The following ERC1 variants were observed in gnomAD, a reference collection of about 807,000 sequenced individuals.
ERC1 encodes ELKS/RAB6-interacting/CAST family member 1, also known as RAB6 interacting protein 2.
In ERC1, 56 loss-of-function variants were observed where a neutral mutation model predicts 132.0. That is an observed-to-expected ratio of 0.42 (90% CI 0.34 to 0.53). The LOEUF is 0.53. Ranked by LOEUF, ERC1 falls within the 20% of genes least tolerant of loss-of-function variation. The pLI is 0.03. For synonymous variants in ERC1, 478 were observed against 476.1 expected (o/e 1.00, Z -0.05); for missense variants, 1,202 against 1,349.9 (o/e 0.89, Z 1.72).
intron 8 of ERC1, among the ~76,000 whole-genome samples, chr12:1,156,432 T>G (rs562015388): frequency 3.3e-5 from 5 of 151,990 alleles, no homozygotes; most frequent in African/African-American, 1.2e-4. Context: ...GTAGAGAGGA[T>G]TTTACCATGT....
At chr12:1,357,123 G>C (rs2085618976) in intron 15 of ERC1, among the ~76,000 whole-genome samples, 1 of 152,122 alleles carries the variant, frequency 6.6e-6, no homozygotes, top group African/African-American at 2.4e-5. Flanking sequence ...ACGCATTGGA[G>C]CAGCTCCTAC....
At position 1,279,844 on chromosome 12, in the gene ERC1, C is replaced by T. The variant is rs145867186; in HGVS notation, c.2620-10008C>T. On this transcript the variant is annotated intron_variant, in intron 14 of 18. Coordinates refer to ENST00000360905, the MANE Select transcript of ERC1 (RefSeq NM_178040.4). ...CCAAGTAGCTGGGACTACAGGCGTG[C>T]GCCACCATGCCCAGCTAATTTTTGT... is the stretch of plus-strand genomic sequence containing the variant. Among the ~76,000 whole-genome samples the T allele has an allele frequency of 9.7e-4, 147 of 152,094 alleles. 1 individual carries two copies. The highest frequency in any genetic ancestry group is 3.2e-3 in the African/African-American group (132 of 41,514).
At chr12:1,299,302 G>A (rs187193095) in intron 15 of ERC1, among the ~76,000 whole-genome samples, 36 of 152,330 alleles carry the variant, frequency 2.4e-4, no homozygotes, top group African/African-American at 7.9e-4. Context: ...GTAAATTTCA[G>A]AAGACTGAGA....
intron 13 of ERC1, among the ~76,000 whole-genome samples, chr12:1,250,573 A>C (rs1188489680): frequency 6.6e-6 from 1 of 152,092 alleles, no homozygotes; most frequent in Admixed American, 6.5e-5. Flanking sequence ...TTTAGTTATA[A>C]TTTTTTTGGA....
intron 2 of ERC1, among the ~76,000 whole-genome samples, chr12:1,036,851 T>C (rs1191999915): frequency 2.0e-5 from 3 of 152,200 alleles, no homozygotes; most frequent in African/African-American, 7.2e-5. Context: ...AAGTTTAATC[T>C]TTTTTGTTGT....
chr12:1,277,557 A>T (rs962080357), intron 14 of ERC1, among the ~76,000 whole-genome samples: 1 of 152,178 alleles, frequency 6.6e-6, no homozygotes, highest in South Asian at 2.1e-4. Flanking sequence ...GCTTGCTCTT[A>T]TAAGTCTTAA....
At chr12:1,213,913 GA>G (rs935070075) in intron 12 of ERC1, among the ~76,000 whole-genome samples, 4 of 150,726 alleles carry the variant, frequency 2.7e-5, no homozygotes, top group Admixed American at 6.6e-5. Context: ...CAAAAAAAAA[GA>G]AAAAAAATAA....
rs142289733 is a variant in ERC1, at chr12:1,434,714, C to T, written c.3025-9848C>T. 9.2e-3 allele frequency among the ~76,000 whole-genome samples: 1,398 copies of T among 152,246 alleles called. 20 individuals are homozygous for T. Among genetic ancestry groups the T allele is most frequent in the African/African-American group, 0.033 (1,354 of 41,534 alleles). ...TTCCAGAGATGGGTGTTACATACAC[C>T]CAAAGGGTCGTCTGACTGGAGATCC... On this transcript the variant is annotated intron_variant, in intron 17 of 18. Transcript: ENST00000360905.
intron 2 of ERC1, among the ~76,000 whole-genome samples, chr12:1,080,836 T>A (rs2369668): frequency 0.23 from 34,509 of 151,964 alleles, 4,334 homozygotes; most frequent in Middle Eastern, 0.28. Flanking sequence ...GCCACGTGGA[T>A]CTGTAAGTCC....
intron 12 of ERC1, among the ~76,000 whole-genome samples, chr12:1,223,636 C>T (rs887277009): frequency 3.3e-5 from 5 of 152,168 alleles, no homozygotes; most frequent in Non-Finnish European, 7.4e-5. Flanking sequence ...CTTCGTTTTT[C>T]TGTCTTCTTA....
intron 14 of ERC1, among the ~76,000 whole-genome samples, chr12:1,283,784 A>G (rs994493958): frequency 2.0e-5 from 3 of 152,220 alleles, no homozygotes; most frequent in Non-Finnish European, 2.9e-5. Flanking sequence ...TTTTTTAACA[A>G]TATGTAATAG....
At chr12:1,065,385 G>A (rs1302643846) in intron 2 of ERC1, among the ~76,000 whole-genome samples, 1 of 150,204 alleles carries the variant, frequency 6.7e-6, no homozygotes, top group Non-Finnish European at 1.5e-5. Context: ...TTCACTCATT[G>A]AATTCTTTAA....
In ERC1 at chr12:1,036,654, G is replaced by A. The variant is rs143083719; in HGVS notation, c.669+8082G>A. 1.3e-3 allele frequency among the ~76,000 whole-genome samples: 202 copies of A among 152,342 alleles called. 3 individuals carry two copies. The East Asian group carries it at 0.032, about 24-fold the overall frequency. Reference sequence around the variant, plus strand: ...GCCTCCCAAAGTGTTGGGATTACAGGTGTGAGCCACTGCTCCTGGCCTTAA... The same window carrying A: ...GCCTCCCAAAGTGTTGGGATTACAGATGTGAGCCACTGCTCCTGGCCTTAA... On this transcript the variant is annotated intron_variant, in intron 2 of 18. Transcript: ENST00000360905.
chr12:1,266,167 T>G (rs1461564623), intron 14 of ERC1, among the ~76,000 whole-genome samples: 1 of 152,158 alleles, frequency 6.6e-6, no homozygotes, highest in Non-Finnish European at 1.5e-5. Context: ...ATTTTGCTTT[T>G]AATTGTATGC....
intron 2 of ERC1, among the ~76,000 whole-genome samples, chr12:1,066,967 C>T (rs183517238): frequency 3.7e-3 from 556 of 152,070 alleles, no homozygotes; most frequent in Non-Finnish European, 5.3e-3. Flanking sequence ...GCCACCACAC[C>T]CAGCTAGTTT....
chr12:1,144,614 G>GTATATATATATATATATA (rs142846830), intron 8 of ERC1, among the ~76,000 whole-genome samples: 46 of 132,282 alleles, frequency 3.5e-4, no homozygotes, highest in African/African-American at 1.4e-3. Context: ...GAATTTTGTG[G>GTATATATATATATATATA]TATATATATA....
intron 4 of ERC1, among the ~76,000 whole-genome samples, chr12:1,106,777 T>C (rs931415508): frequency 6.6e-6 from 1 of 152,200 alleles, no homozygotes; most frequent in Non-Finnish European, 1.5e-5. Context: ...ACAAAATGAT[T>C]TGTTTAACTG....
chr12:995,046 A>C (rs915199669), intron 1 of ERC1, among the ~76,000 whole-genome samples: 1 of 151,728 alleles, frequency 6.6e-6, no homozygotes, highest in Non-Finnish European at 1.5e-5. Flanking sequence ...CAGTGAGTGG[A>C]GATCGTGCTA....
At position 1,310,183 on chromosome 12, in the gene ERC1, A is replaced by T. The variant is rs146875614; in HGVS notation, c.2780+20171A>T. On this transcript the variant is annotated intron_variant, in intron 15 of 18. Transcript: ENST00000360905. ...CTGAGGGGATTTTAAGGAAGTTAAT[A>T]CATGTAAAACACTTTAAACAGTTCT... Among the ~76,000 whole-genome samples the T allele has an allele frequency of 3.7e-3, 528 of 142,526 alleles. 6 individuals carry two copies. The highest frequency in any genetic ancestry group is 0.013 in the African/African-American group (511 of 39,668). The allele number at this position is 142,526 out of a possible 152,430, so 93.5% of individuals were successfully genotyped here.
Sources: allele counts gnomAD v4.1 joint callset (sites outside exome capture counted in the v4.1 genomes callset), GRCh38; gene constraint gnomAD v4.1.1; transcripts MANE v1.5; gene names NCBI Gene and HGNC (gene_info 2026-07-23, HGNC 2026-07-21).